MCCC1: variants seen among roughly 807,000 people sequenced by gnomAD.
MCCC1 encodes methylcrotonyl-CoA carboxylase subunit 1, also known as methylcrotonoyl-CoA carboxylase subunit alpha, mitochondrial.
A neutral mutation model predicts 83.8 loss-of-function variants in MCCC1; 64 were observed. The observed-to-expected ratio is 0.76, with a 90% CI of 0.62 to 0.94. MCCC1 has a LOEUF of 0.94. Among genes scored for constraint, MCCC1 ranks in the 40% least tolerant of loss-of-function variants. The pLI, the probability that MCCC1 is intolerant of heterozygous loss-of-function variation, is 0.00. For missense variants in MCCC1, 807 were observed against 904.7 expected (o/e 0.89, Z 1.39); for synonymous variants, 322 against 315.4 (o/e 1.02, Z -0.22).
chr3:183,090,714 C>T (rs1449883986), intron 3 of MCCC1, among the ~76,000 whole-genome samples: 4 of 151,994 alleles, frequency 2.6e-5, no homozygotes, highest in South Asian at 2.1e-4. Context: ...CTCAGCCTCC[C>T]GAGTAGCTGG....
At chr3:183,099,507 C>G, upstream of MCCC1, 6 of 1,537,898 alleles carry the variant, frequency 3.9e-6, no homozygotes, top group South Asian at 7.1e-5. Context: ...ACGCCAAACC[C>G]GTTCCTCCAC....
rs146507260 is a variant in MCCC1, at chr3:183,071,950, C to T, written c.491+416G>A. On this transcript the variant is annotated intron_variant, in intron 5 of 18. Coordinates refer to ENST00000265594, the MANE Select transcript of MCCC1 (RefSeq NM_020166.5). ...ATGGTGTGATCACAGCTCACTGCAG[C>T]CTTGATCTCCTGGGCTCAAGCAATC... Among the ~76,000 whole-genome samples the T allele has an allele frequency of 9.7e-4, 146 of 151,038 alleles. 2 individuals are homozygous for T. In the East Asian group the frequency reaches 0.027, roughly 28 times the overall value.
chr3:183,095,013 G>A (rs1327319848), intron 1 of MCCC1, among the ~76,000 whole-genome samples: 4 of 152,184 alleles, frequency 2.6e-5, no homozygotes, highest in East Asian at 3.8e-4. Flanking sequence ...GCCAGGCACG[G>A]TGGCTCACAC....
At chr3:183,106,708 G>C (rs185819299) in intron 1 of MCCC1, among the ~76,000 whole-genome samples, 10 of 152,140 alleles carry the variant, frequency 6.6e-5, no homozygotes, top group South Asian at 6.2e-4. Flanking sequence ...TGTCGGCCAG[G>C]CTGATCTCAA....
At chr3:183,057,008 T>C (rs1475993560) in intron 8 of MCCC1, among the ~76,000 whole-genome samples, 2 of 152,206 alleles carry the variant, frequency 1.3e-5, no homozygotes, top group Non-Finnish European at 1.5e-5. Context: ...CATTACAATT[T>C]AAAATGTGCG....
intron 10 of MCCC1, among the ~76,000 whole-genome samples, chr3:183,044,739 G>A (rs1027569618): frequency 6.6e-6 from 1 of 152,064 alleles, no homozygotes; most frequent in African/African-American, 2.4e-5. Context: ...GGGCCTAGGG[G>A]GAAGTGAATC....
intron 3 of MCCC1, chr3:183,090,994 C>T (rs1428321541): frequency 2.2e-6 from 1 of 456,600 alleles, no homozygotes; most frequent in East Asian, 6.9e-5. Context: ...TGGCAGGAAC[C>T]TCAATTTTAT....
intron 4 of MCCC1, among the ~76,000 whole-genome samples, chr3:183,079,578 T>C (rs1295704050): frequency 6.6e-6 from 1 of 152,094 alleles, no homozygotes; most frequent in Admixed American, 6.6e-5. Context: ...CACAGGCTGG[T>C]GTTGAGTGTC....
rs1715026606 is a variant in MCCC1, at chr3:183,052,142, A to T, written c.955+17T>A. 1.2e-6 allele frequency: 2 copies of T among 1,612,108 alleles called. No individual in the cohort carries two copies. Among genetic ancestry groups the T allele is most frequent in the African/African-American group, 2.7e-5 (2 of 74,892 alleles). On this transcript the variant is annotated intron_variant, in intron 9 of 18. Coordinates refer to ENST00000265594, the MANE Select transcript of MCCC1 (RefSeq NM_020166.5). ...ACACTGTTACGTCTCTTCCATTAGA[A>T]GCAAATCTTAACCTACCTGCTCCAA...
rs113559898 is a variant in MCCC1, at chr3:183,086,709, T to C, written c.353A>G (p.Lys118Arg). The part of the protein sequence containing the change: ...LSMEKIIQVA[K>R]TSAAQAIHPG... ...AACCCTCACCTGTGCAGCAGAGGTC[T>C]TGGCCACTTGAATGATTTTCTCCAT... is the stretch of plus-strand genomic sequence containing the variant. The change falls in exon 4 of 19, where the codon AAG (lysine) becomes AGG (arginine). Residue 118 changes from lysine to arginine, a missense_variant. Transcript: ENST00000265594. 6.2e-7 allele frequency: 1 copy of C among 1,614,196 alleles called. No homozygotes were observed. Among genetic ancestry groups the C allele is most frequent in the Non-Finnish European group, 8.5e-7 (1 of 1,180,020 alleles).
intron 7 of MCCC1, among the ~76,000 whole-genome samples, chr3:183,061,565 C>A (rs1214915858): frequency 6.6e-6 from 1 of 152,198 alleles, no homozygotes; most frequent in African/African-American, 2.4e-5. Context: ...CACTTGCACA[C>A]TGGCCCACAC....
intron 4 of MCCC1, among the ~76,000 whole-genome samples, chr3:183,082,251 C>T (rs9882050): frequency 0.25 from 37,975 of 151,986 alleles, 5,602 homozygotes; most frequent in East Asian, 0.5. Context: ...TAGCTGTATT[C>T]AGTAAATGAC....
intron 11 of MCCC1, 24 bp from the exon 12 acceptor site, chr3:183,039,159 C>T: frequency 6.2e-7 from 1 of 1,601,672 alleles, no homozygotes. Flanking sequence ...CCACGGTAAC[C>T]TCTTCAAGTC....
At chr3:183,102,450 GT>G (rs1183693995), upstream of MCCC1, among the ~76,000 whole-genome samples, 1 of 152,108 alleles carries the variant, frequency 6.6e-6, no homozygotes, top group Non-Finnish European at 1.5e-5. Flanking sequence ...TATTCCAGAA[GT>G]ATAAGGATGA....
chr3:183,102,370 G>A (rs113170323), upstream of MCCC1, among the ~76,000 whole-genome samples: 16 of 151,848 alleles, frequency 1.1e-4, no homozygotes, highest in Admixed American at 2.6e-4. Flanking sequence ...CTCCAAAAAA[G>A]AAGCAAAAAA....
Position 183,060,459 on chromosome 3 carries a change from C to T in MCCC1, c.762-3037G>A, listed in dbSNP as rs77585451. On this transcript the variant is annotated intron_variant, in intron 7 of 18. Coordinates refer to ENST00000265594, the MANE Select transcript of MCCC1 (RefSeq NM_020166.5). ...CTTATTGCTAAGTATAGGAAGCAGA[C>T]AGAACAAACGTGAGAAGAAAGCTAT... Among the ~76,000 whole-genome samples the T allele has an allele frequency of 3.2e-3, 485 of 152,272 alleles. 2 individuals are homozygous for T. Among genetic ancestry groups the T allele is most frequent in the African/African-American group, 0.011 (457 of 41,550 alleles).
chr3:183,103,879 G>T (rs78834293), upstream of MCCC1, among the ~76,000 whole-genome samples: 1 of 152,210 alleles, frequency 6.6e-6, no homozygotes, highest in African/African-American at 2.4e-5. Context: ...TGCAGGTCCC[G>T]AGCCCTGCCC....
intron 9 of MCCC1, among the ~76,000 whole-genome samples, chr3:183,047,164 G>A (rs977816048): frequency 6.6e-6 from 1 of 152,158 alleles, no homozygotes; most frequent in East Asian, 1.9e-4. Context: ...GAGCCTAAAC[G>A]ATTGGGATTT....
At chr3:183,113,649 G>T (rs1367341571) in intron 1 of MCCC1, among the ~76,000 whole-genome samples, 1 of 151,806 alleles carries the variant, frequency 6.6e-6, no homozygotes, top group Non-Finnish European at 1.5e-5. Flanking sequence ...GCTGCAATGA[G>T]CTGTGATCAC....
Sources: allele counts gnomAD v4.1 joint callset (sites outside exome capture counted in the v4.1 genomes callset), GRCh38; gene constraint gnomAD v4.1.1; transcripts MANE v1.5; gene names NCBI Gene and HGNC (gene_info 2026-07-23, HGNC 2026-07-21).